WWOX: variants seen among roughly 807,000 people sequenced by gnomAD.
WWOX encodes WW domain-containing oxidoreductase.
Under a neutral mutation model 46.2 loss-of-function variants are expected in WWOX, and 69 were observed. That is an observed-to-expected ratio of 1.49 (90% CI 1.23 to 1.82). WWOX has a LOEUF of 1.82. WWOX is among the 40% of genes most tolerant of loss of function. WWOX has a pLI of 0.00. For missense variants in WWOX, 919 were observed against 542.6 expected, an observed-to-expected ratio of 1.69 and a Z score of -6.89; for synonymous variants, 359 against 202.6, an observed-to-expected ratio of 1.77 and a Z score of -6.56.
intron 7 of WWOX, among the ~76,000 whole-genome samples, chr16:78,432,084 G>A (rs1401749768): frequency 2.7e-5 from 4 of 150,804 alleles, no homozygotes; most frequent in Non-Finnish European, 5.9e-5. Flanking sequence ...ATGTAAGATT[G>A]AGTTTTTACT....
chr16:78,683,086 A>T (rs1436591627), intron 8 of WWOX, among the ~76,000 whole-genome samples: 4 of 152,194 alleles, frequency 2.6e-5, no homozygotes, highest in Non-Finnish European at 5.9e-5. Flanking sequence ...CTGACTCCAG[A>T]TGACTTGTTT....
chr16:78,606,383 G>C (rs908458344), intron 8 of WWOX, among the ~76,000 whole-genome samples: 3 of 151,856 alleles, frequency 2.0e-5, no homozygotes, highest in African/African-American at 7.3e-5. Flanking sequence ...CGGTTACTTT[G>C]GATTTATTCT....
chr16:78,681,099 G>C (rs1417318229), intron 8 of WWOX, among the ~76,000 whole-genome samples: 1 of 152,156 alleles, frequency 6.6e-6, no homozygotes, highest in Non-Finnish European at 1.5e-5. Context: ...AAATGCAAAA[G>C]ATAGTTGAGC....
At chr16:78,532,723 G>C (rs1387465213) in intron 8 of WWOX, among the ~76,000 whole-genome samples, 1 of 152,102 alleles carries the variant, frequency 6.6e-6, no homozygotes, top group Non-Finnish European at 1.5e-5. Flanking sequence ...AACTTGTGTA[G>C]GGAAACTCTC....
chr16:79,212,270 C>G lies in WWOX; in HGVS notation c.*474C>G, dbSNP rs988938338. On this transcript the variant is annotated 3_prime_UTR_variant, in exon 9 of 9. Transcript: ENST00000566780. ...TCCAGGAGATAATTGTTTCATTCAT[C>G]CTGACCAAGACTGAGCCAGCTTAGC... The G allele has an allele frequency of 8.0e-7, 1 of 1,255,666 alleles. No homozygotes were observed. Among genetic ancestry groups the G allele is most frequent in the Non-Finnish European group, 1.1e-6 (1 of 938,126 alleles). The allele number at this position is 1,255,666 out of a possible 1,614,324, so 77.8% of individuals were successfully genotyped here.
chr16:78,900,897 A>G (rs947136569), intron 8 of WWOX, among the ~76,000 whole-genome samples: 2 of 151,790 alleles, frequency 1.3e-5, no homozygotes, highest in Non-Finnish European at 1.5e-5. Flanking sequence ...GATGGCTACA[A>G]TACAGATTCA....
intron 8 of WWOX, among the ~76,000 whole-genome samples, chr16:78,855,294 C>A (rs2052541035): frequency 1.3e-5 from 2 of 152,088 alleles, no homozygotes; most frequent in African/African-American, 2.4e-5. Context: ...GAGTCATCTT[C>A]TTGAAATTAG....
chr16:78,436,611 C>T (rs2083341038), intron 8 of WWOX, among the ~76,000 whole-genome samples: 3 of 152,118 alleles, frequency 2.0e-5, no homozygotes, highest in African/African-American at 7.2e-5. Context: ...GAGGTTTTTG[C>T]CATTGAAAGT....
intron 5 of WWOX, among the ~76,000 whole-genome samples, chr16:78,340,604 G>A (rs1303660874): frequency 8.3e-6 from 1 of 120,864 alleles, no homozygotes; most frequent in East Asian, 1.9e-4. Flanking sequence ...TTAGCACATG[G>A]CCACGGCCAG....
intron 5 of WWOX, among the ~76,000 whole-genome samples, chr16:78,334,585 G>T (rs1005260016): frequency 3.3e-5 from 5 of 151,968 alleles, no homozygotes; most frequent in Non-Finnish European, 4.4e-5. Context: ...GTGTAATCAA[G>T]ATATTCCCAA....
intron 3 of WWOX, among the ~76,000 whole-genome samples, chr16:78,111,142 C>T (rs74508589): frequency 0.019 from 2,931 of 152,154 alleles, 36 homozygotes; most frequent in Middle Eastern, 0.048. Flanking sequence ...GTCTTCCTTC[C>T]CCTAAGCATG....
chr16:78,657,222 C>T (rs139380001), intron 8 of WWOX, among the ~76,000 whole-genome samples: 2 of 152,158 alleles, frequency 1.3e-5, no homozygotes, highest in African/African-American at 2.4e-5. Flanking sequence ...TCTCCACCAT[C>T]ACCCCTTTTG....
chr16:78,447,637 A>G (rs985343435), intron 8 of WWOX, among the ~76,000 whole-genome samples: 10 of 152,206 alleles, frequency 6.6e-5, no homozygotes, highest in African/African-American at 2.4e-4. Flanking sequence ...GCGGAAGGAA[A>G]TGCAAAAGTG....
chr16:78,990,192 A>G (rs1212027322), intron 8 of WWOX, among the ~76,000 whole-genome samples: 3 of 151,048 alleles, frequency 2.0e-5, no homozygotes, highest in Non-Finnish European at 2.9e-5. Flanking sequence ...TCACCAAAAA[A>G]AAAAAAAAAA....
At chr16:78,476,845 G>A (rs62034158) in intron 8 of WWOX, among the ~76,000 whole-genome samples, 8,007 of 152,016 alleles carry the variant, frequency 0.053, 493 homozygotes, top group African/African-American at 0.15. Flanking sequence ...TGTTTTGTTC[G>A]TTTTTCTTTT....
intron 5 of WWOX, among the ~76,000 whole-genome samples, chr16:78,336,750 G>A (rs1005301091): frequency 6.6e-6 from 1 of 151,944 alleles, no homozygotes; most frequent in Non-Finnish European, 1.5e-5. Flanking sequence ...TATAAAAATG[G>A]TATTTCCTGA....
intron 8 of WWOX, among the ~76,000 whole-genome samples, chr16:78,932,507 G>C (rs2045645288): frequency 6.6e-6 from 1 of 152,160 alleles, no homozygotes; most frequent in Admixed American, 6.5e-5. Flanking sequence ...TCCTGCTCTT[G>C]CAAACCTTGA....
intron 8 of WWOX, among the ~76,000 whole-genome samples, chr16:78,901,693 TGCCCAG>T: frequency 6.6e-6 from 1 of 152,348 alleles, no homozygotes; most frequent in African/African-American, 2.4e-5. Context: ...TTTTTCATGT[TGCCCAG>T]GCTGGTCTTG....
rs911533553 is a variant in WWOX at position 79,187,378 on chromosome 16, A to G, written c.1057-24230A>G. On this transcript the variant is annotated intron_variant, in intron 8 of 8. Coordinates refer to ENST00000566780, the MANE Select transcript of WWOX (RefSeq NM_016373.4). Reference sequence around the variant, plus strand: ...TATGCCCCTACGAACCAGGTACTAGAAATCCACTCCTTTCACTTGCTTTTG... The same window carrying G: ...TATGCCCCTACGAACCAGGTACTAGGAATCCACTCCTTTCACTTGCTTTTG... Among the ~76,000 whole-genome samples, 56 of 152,300 alleles carry G rather than the reference A, an allele frequency of 3.7e-4. No homozygotes were observed. The Middle Eastern group carries it at 0.014, about 37-fold the overall frequency.
Sources: allele counts gnomAD v4.1 joint callset (sites outside exome capture counted in the v4.1 genomes callset), GRCh38; gene constraint gnomAD v4.1.1; transcripts MANE v1.5; gene names NCBI Gene and HGNC (gene_info 2026-07-23, HGNC 2026-07-21).